Variants in CDYL observed in about 807,000 individuals in gnomAD.
CDYL encodes the protein chromodomain Y like.
In CDYL, 8 loss-of-function variants were observed where a neutral mutation model predicts 47.3. That is an observed-to-expected ratio of 0.17 (90% confidence interval 0.10 to 0.31). The LOEUF (loss-of-function observed/expected upper bound fraction) is 0.31. Ranked by LOEUF, CDYL falls within the 10% of genes least tolerant of loss-of-function variation. CDYL has a pLI of 1.00. For synonymous variants in CDYL, 266 were observed against 265.0 expected (o/e 1.00, Z -0.04); for missense variants, 471 against 701.4 (o/e 0.67, Z 3.71).
chr6:4,952,193 G>A, intron 5 of CDYL, 73 bp from the exon 6 acceptor site: 1 of 1,530,744 alleles, frequency 6.5e-7, no homozygotes, highest in Non-Finnish European at 8.9e-7. Flanking sequence ...CTTCGGTGTG[G>A]ATTTTAAGGG....
At chr6:4,861,604 A>G (rs1389296346) in intron 1 of CDYL, among the ~76,000 whole-genome samples, 1 of 152,242 alleles carries the variant, frequency 6.6e-6, no homozygotes, top group African/African-American at 2.4e-5. Flanking sequence ...GTCTAAGGCT[A>G]TGTTTTCATG....
At chr6:4,716,924 C>A (rs1757276189) in intron 2 of CDYL, among the ~76,000 whole-genome samples, 1 of 151,950 alleles carries the variant, frequency 6.6e-6, no homozygotes, top group East Asian at 1.9e-4. Flanking sequence ...AAATAGGCAC[C>A]CCAGAGAGGG....
At position 4,855,586 on chromosome 6, in the gene CDYL, G is replaced by C. The variant is rs537996851; in HGVS notation, c.25-36127G>C. Among the ~76,000 whole-genome samples, 8 of 152,262 alleles carry C rather than the reference G, an allele frequency of 5.3e-5. No homozygotes were observed. The South Asian group carries it at 1.7e-3, about 32-fold the overall frequency. On this transcript the variant is annotated intron_variant, in intron 1 of 6. Transcript: ENST00000397588. ...TTTTCACACAGTTTTTTTCCATTTG[G>C]TGGAAGGACCAGGGGAATCACAAAT...
intron 1 of CDYL, among the ~76,000 whole-genome samples, chr6:4,889,739 C>T (rs1009762544): frequency 6.6e-6 from 1 of 152,172 alleles, no homozygotes; most frequent in Non-Finnish European, 1.5e-5. Context: ...AAGCCTAAAA[C>T]ATTTACTCTT....
intron 1 of CDYL, among the ~76,000 whole-genome samples, chr6:4,815,867 C>T (rs1392585479): frequency 6.6e-6 from 1 of 151,482 alleles, no homozygotes; most frequent in Non-Finnish European, 1.5e-5. Flanking sequence ...TGTTTATCAT[C>T]AACTCTTTCT....
At chr6:4,722,208 T>C (rs1298567385) in intron 2 of CDYL, among the ~76,000 whole-genome samples, 1 of 152,032 alleles carries the variant, frequency 6.6e-6, no homozygotes, top group Non-Finnish European at 1.5e-5. Context: ...GCTTATACCT[T>C]TAATCCCAGT....
intron 1 of CDYL, among the ~76,000 whole-genome samples, chr6:4,780,683 G>T (rs535637803): frequency 1.3e-5 from 2 of 152,058 alleles, no homozygotes; most frequent in Non-Finnish European, 2.9e-5. Context: ...GGCTTAAATG[G>T]CATTAGCGTG....
chr6:4,897,970 A>G (rs1762335513), intron 2 of CDYL, among the ~76,000 whole-genome samples: 1 of 151,738 alleles, frequency 6.6e-6, no homozygotes, highest in East Asian at 2.0e-4. Context: ...GGCAGGAGAA[A>G]GGCGTGAACC....
At chr6:4,753,420 G>C (rs1758029109) in intron 3 of CDYL, among the ~76,000 whole-genome samples, 1 of 152,120 alleles carries the variant, frequency 6.6e-6, no homozygotes, top group Non-Finnish European at 1.5e-5. Context: ...AGAGAATACA[G>C]CTTTGAACTC....
At chr6:4,922,422 A>G (rs554108603) in intron 2 of CDYL, among the ~76,000 whole-genome samples, 123 of 152,322 alleles carry the variant, frequency 8.1e-4, no homozygotes, top group African/African-American at 2.8e-3. Context: ...ATATGTGAAC[A>G]TTTTTATCTT....
intron 2 of CDYL, among the ~76,000 whole-genome samples, chr6:4,896,727 A>G (rs949785841): frequency 6.6e-6 from 1 of 152,222 alleles, no homozygotes; most frequent in African/African-American, 2.4e-5. Flanking sequence ...TTTCTAGACT[A>G]ATTTTAGAGC....
chr6:4,774,621 A>G (rs1400054363), upstream of CDYL: 1 of 152,216 alleles, frequency 6.6e-6, no homozygotes, highest in Non-Finnish European at 1.5e-5. Flanking sequence ...TTTCTCGTGG[A>G]CACTGAAATT....
At chr6:4,792,143 C>T (rs148164420) in intron 1 of CDYL, among the ~76,000 whole-genome samples, 2,625 of 151,520 alleles carry the variant, frequency 0.017, 72 homozygotes, top group African/African-American at 0.06. Context: ...CCACCCGCCT[C>T]GGCCTCCCAA....
At chr6:4,885,432 T>G (rs1016482040) in intron 1 of CDYL, among the ~76,000 whole-genome samples, 9 of 152,302 alleles carry the variant, frequency 5.9e-5, no homozygotes, top group Non-Finnish European at 1.3e-4. Context: ...CATTAGTGAC[T>G]TAGTAGCTGG....
chr6:4,920,491 G>A (rs865892601), intron 2 of CDYL, among the ~76,000 whole-genome samples: 3 of 152,200 alleles, frequency 2.0e-5, no homozygotes, highest in Admixed American at 6.5e-5. Context: ...CCAAGCCTCC[G>A]GCGGGTCATG....
chr6:4,949,688 G>A (rs1581293915), intron 5 of CDYL, among the ~76,000 whole-genome samples: 1 of 152,198 alleles, frequency 6.6e-6, no homozygotes, highest in Non-Finnish European at 1.5e-5. Flanking sequence ...GGTTATTTGG[G>A]TAGAAGTTTG....
At chr6:4,723,828 A>G (rs1211164655) in intron 2 of CDYL, among the ~76,000 whole-genome samples, 1 of 152,246 alleles carries the variant, frequency 6.6e-6, no homozygotes, top group Non-Finnish European at 1.5e-5. Context: ...GCACATACTG[A>G]GACAACTCAC....
At chr6:4,860,461 A>G (rs1348601280) in intron 1 of CDYL, among the ~76,000 whole-genome samples, 1 of 150,548 alleles carries the variant, frequency 6.6e-6, no homozygotes, top group African/African-American at 2.4e-5. Context: ...TAGCAATTAT[A>G]TTAGGGTTCT....
chr6:4,776,678 CA>C lies in CDYL; in HGVS notation c.-105del. On this transcript the variant is annotated 5_prime_UTR_variant, in exon 1 of 7. Transcript: ENST00000397588. ...CCCAGCGCCCGGCCGGCCGCGGGAG[CA>C]GGAAGCGCAGGCCACGCAGGACCCA... The C allele has an allele frequency of 9.7e-7, 1 of 1,035,592 alleles. No homozygotes were observed. The highest frequency in any genetic ancestry group is 1.3e-6 in the Non-Finnish European group (1 of 791,870). The allele number at this position is 1,035,592 out of a possible 1,614,324, so 64.2% of individuals were successfully genotyped here. A position where few individuals can be genotyped will look rare whatever the true frequency, so the allele number is the denominator to read the frequency against.
Sources: allele counts gnomAD v4.1 joint callset (sites outside exome capture counted in the v4.1 genomes callset), GRCh38; gene constraint gnomAD v4.1.1; transcripts MANE v1.5; gene names NCBI Gene and HGNC (gene_info 2026-07-23, HGNC 2026-07-21).